NKAIN3: variants seen among roughly 807,000 people sequenced by gnomAD.
The protein encoded by NKAIN3 is sodium/potassium-transporting ATPase subunit beta-1-interacting protein 3.
A neutral mutation model predicts 30.2 loss-of-function variants in NKAIN3; 25 were observed. The ratio of observed to expected loss-of-function variants is 0.83; its 90% CI spans 0.60 to 1.16. The LOEUF is 1.16. Among genes scored for constraint, NKAIN3 ranks in the 50% most tolerant of loss-of-function variants. The pLI, the probability that NKAIN3 is intolerant of heterozygous loss-of-function variation, is 0.00. For missense variants in NKAIN3, 225 were observed against 254.1 expected (o/e 0.89, Z 0.78); for synonymous variants, 91 against 89.6 (o/e 1.02, Z -0.09).
At chr8:62,788,447 T>C (rs1038600294) in intron 4 of NKAIN3, among the ~76,000 whole-genome samples, 3 of 152,206 alleles carry the variant, frequency 2.0e-5, no homozygotes, top group Non-Finnish European at 4.4e-5. Context: ...CTTTGTCAGA[T>C]GAGTAGATTG....
intron 5 of NKAIN3, among the ~76,000 whole-genome samples, chr8:62,946,970 TG>T (rs1428891561): frequency 2.0e-5 from 3 of 152,192 alleles, no homozygotes; most frequent in Non-Finnish European, 4.4e-5. Context: ...TAGTTAAACC[TG>T]GGACATAAAT....
intron 4 of NKAIN3, among the ~76,000 whole-genome samples, chr8:62,903,981 C>G (rs188288747): frequency 1.9e-3 from 282 of 152,296 alleles, no homozygotes; most frequent in African/African-American, 6.5e-3. Flanking sequence ...TATTACAATT[C>G]AAGGTGAGAT....
At chr8:62,445,009 T>C (rs905850887) in intron 1 of NKAIN3, among the ~76,000 whole-genome samples, 6 of 152,004 alleles carry the variant, frequency 3.9e-5, no homozygotes, top group Non-Finnish European at 8.8e-5. Context: ...GCAGTGGCAC[T>C]ATCTTGGCTC....
chr8:62,285,508 G>A (rs937553691), intron 1 of NKAIN3, among the ~76,000 whole-genome samples: 8 of 152,054 alleles, frequency 5.3e-5, no homozygotes, highest in African/African-American at 1.9e-4. Flanking sequence ...TTAGAGAGTC[G>A]CTGAACCCTG....
At chr8:62,266,448 A>G (rs953876128) in intron 1 of NKAIN3, among the ~76,000 whole-genome samples, 2 of 152,204 alleles carry the variant, frequency 1.3e-5, no homozygotes, top group Non-Finnish European at 2.9e-5. Context: ...TAATATACAC[A>G]TATGAAAGAA....
At chr8:62,495,494 T>C (rs567929138) in intron 1 of NKAIN3, among the ~76,000 whole-genome samples, 55 of 151,126 alleles carry the variant, frequency 3.6e-4, no homozygotes, top group Middle Eastern at 3.5e-3. Flanking sequence ...TAAAGTGTTA[T>C]GAAGAATACA....
intron 3 of NKAIN3, among the ~76,000 whole-genome samples, chr8:62,645,588 C>A (rs960215080): frequency 1.4e-4 from 21 of 152,170 alleles, no homozygotes; most frequent in African/African-American, 5.1e-4. Flanking sequence ...TCAGATACAA[C>A]AGTGGATTGA....
At chr8:62,674,568 T>TA (rs1156573476) in intron 3 of NKAIN3, among the ~76,000 whole-genome samples, 1 of 152,162 alleles carries the variant, frequency 6.6e-6, no homozygotes, top group Non-Finnish European at 1.5e-5. Flanking sequence ...CTAAACGTAA[T>TA]AAATGGCAAG....
intron 1 of NKAIN3, among the ~76,000 whole-genome samples, chr8:62,291,669 T>A (rs957779668): frequency 2.6e-5 from 4 of 152,200 alleles, no homozygotes; most frequent in Non-Finnish European, 4.4e-5. Flanking sequence ...ATGTGGTCAA[T>A]TTTGGAATAA....
In NKAIN3 at chr8:62,919,098, C is replaced by A. The variant is rs546624926; in HGVS notation, c.532+585C>A. On this transcript the variant is annotated intron_variant, in intron 5 of 6. Transcript: ENST00000623646. The stretch of plus-strand genomic sequence containing the variant: ...GGAAAAACATTTATTAATATTATGA[C>A]CTGAAGTTATATGATAGAGCTTTAG... Among the ~76,000 whole-genome samples the A allele has an allele frequency of 2.4e-3, 367 of 151,702 alleles. 1 individual carries two copies. The highest frequency in any genetic ancestry group is 4.8e-3 in the Admixed American group (73 of 15,238).
In NKAIN3 at chr8:62,982,604, T is replaced by A. The variant is rs1459879038; in HGVS notation, c.*17197T>A. 1 of 151,936 alleles carries A rather than the reference T, an allele frequency of 6.6e-6. No individual in the cohort carries two copies. The highest frequency in any genetic ancestry group is 6.6e-5 in the Admixed American group (1 of 15,258). The allele number at this position is 151,936 out of a possible 1,614,324, so 9.4% of individuals were successfully genotyped here. The stretch of plus-strand genomic sequence containing the variant: ...ATGAGATGCTATCTCTGGAAAAAAA[T>A]GAATAGATTTTCAAGATTGTGAGTC... On this transcript the variant is annotated 3_prime_UTR_variant, in exon 7 of 7. Coordinates refer to ENST00000623646, the MANE Select transcript of NKAIN3 (RefSeq NM_001304533.3).
intron 3 of NKAIN3, among the ~76,000 whole-genome samples, chr8:62,626,202 A>G (rs1460582418): frequency 6.6e-6 from 1 of 152,084 alleles, no homozygotes; most frequent in African/African-American, 2.4e-5. Flanking sequence ...TTCTGCCATT[A>G]ACATATCTCA....
chr8:62,279,755 C>A (rs1196941568), intron 1 of NKAIN3, among the ~76,000 whole-genome samples: 4 of 152,142 alleles, frequency 2.6e-5, no homozygotes, highest in Non-Finnish European at 5.9e-5. Context: ...GTACCAGTAC[C>A]ATGCTGTTTT....
intron 1 of NKAIN3, among the ~76,000 whole-genome samples, chr8:62,540,329 C>T (rs925546530): frequency 1.2e-4 from 19 of 152,172 alleles, no homozygotes; most frequent in African/African-American, 4.3e-4. Context: ...AGTTTCAAAC[C>T]CTCCCACTCA....
chr8:62,437,715 A>G (rs561894483), intron 1 of NKAIN3, among the ~76,000 whole-genome samples: 36 of 152,284 alleles, frequency 2.4e-4, no homozygotes, highest in Non-Finnish European at 3.7e-4. Context: ...GCATTTACAA[A>G]TGAAAAAAAA....
Position 62,975,178 on chromosome 8 carries a change from T to C in NKAIN3, c.*9771T>C, listed in dbSNP as rs891831061. Reference sequence around the variant, plus strand: ...TATCAGAATGATGCTGGCCTCAAAATATGAGTTAGGGAGGAGTCTGTCTTT... The same window carrying C: ...TATCAGAATGATGCTGGCCTCAAAACATGAGTTAGGGAGGAGTCTGTCTTT... On this transcript the variant is annotated 3_prime_UTR_variant, in exon 7 of 7. Transcript: ENST00000623646. 3.3e-5 allele frequency among the ~76,000 whole-genome samples: 5 copies of C among 152,138 alleles called. No individual in the cohort carries two copies.
chr8:62,494,426 T>C (rs149861987), intron 1 of NKAIN3, among the ~76,000 whole-genome samples: 112 of 152,284 alleles, frequency 7.4e-4, no homozygotes, highest in African/African-American at 2.4e-3. Context: ...GGTCTGCAAA[T>C]ATTTTGAGGA....
intron 1 of NKAIN3, among the ~76,000 whole-genome samples, chr8:62,304,169 T>C (rs1324356251): frequency 6.6e-6 from 1 of 150,498 alleles, no homozygotes; most frequent in Non-Finnish European, 1.5e-5. Context: ...TCTAAATCCA[T>C]AGAGATTTGG....
chr8:62,770,930 T>C (rs1280694447), intron 4 of NKAIN3, among the ~76,000 whole-genome samples: 2 of 151,970 alleles, frequency 1.3e-5, no homozygotes, highest in East Asian at 3.9e-4. Context: ...AATCCAGAGT[T>C]GAGATATATT....
Sources: gnomAD v4.1 joint callset for allele counts (sites outside exome capture counted in the v4.1 genomes callset) on GRCh38, gnomAD v4.1.1 for gene constraint, MANE v1.5 for transcripts, NCBI Gene and HGNC (gene_info 2026-07-23, HGNC 2026-07-21) for gene names.